The following VPS53 variants were observed in gnomAD, a reference collection of about 807,000 sequenced individuals.
VPS53 encodes VPS53 subunit of GARP complex, also known as vacuolar protein sorting-associated protein 53 homolog.
VPS53 carries 70 observed loss-of-function variants against 107.0 expected under a neutral mutation model. That is an observed-to-expected ratio of 0.65 (90% CI 0.54 to 0.80). VPS53 has a LOEUF of 0.80. VPS53 is among the 30% of genes least tolerant of loss of function. The pLI, the probability that VPS53 is intolerant of heterozygous loss-of-function variation, is 0.00. For synonymous variants in VPS53, 409 were observed against 393.3 expected (o/e 1.04, Z -0.47); for missense variants, 917 against 1,049.4 (o/e 0.87, Z 1.74).
chr17:618,258 C>A (rs922784676), intron 11 of VPS53, among the ~76,000 whole-genome samples: 1 of 84,016 alleles, frequency 1.2e-5, no homozygotes, highest in East Asian at 3.1e-4. Flanking sequence ...TGCACCACCA[C>A]GCCTGCTAAT....
intron 11 of VPS53, among the ~76,000 whole-genome samples, chr17:618,875 G>A (rs1197338781): frequency 1.3e-5 from 2 of 149,236 alleles, no homozygotes; most frequent in African/African-American, 5.0e-5. Flanking sequence ...CGGGTAGCTG[G>A]GACTACAGGC....
At chr17:657,576 T>C in intron 5 of VPS53, 1 of 904,448 alleles carries the variant, frequency 1.1e-6, no homozygotes, top group Non-Finnish European at 1.8e-6. Flanking sequence ...AAAGAGGACC[T>C]TTGTCTTCCG....
intron 13 of VPS53, among the ~76,000 whole-genome samples, chr17:584,284 G>A (rs558901644): frequency 3.3e-5 from 5 of 152,262 alleles, no homozygotes; most frequent in East Asian, 1.9e-4. Context: ...GCCTTCCAAC[G>A]TGGAAGGGCT....
At chr17:637,607 T>C (rs1214849155) in intron 7 of VPS53, among the ~76,000 whole-genome samples, 1 of 152,238 alleles carries the variant, frequency 6.6e-6, no homozygotes, top group Non-Finnish European at 1.5e-5. Flanking sequence ...CCAGAGATTC[T>C]GGTATGTTGT....
chr17:690,065 C>A (rs536732452), intron 4 of VPS53, among the ~76,000 whole-genome samples: 1 of 152,136 alleles, frequency 6.6e-6, no homozygotes. Context: ...AAGCCTCTGA[C>A]GGCACGTCAC....
At chr17:659,946 C>T (rs1332461962) in intron 5 of VPS53, among the ~76,000 whole-genome samples, 1 of 152,166 alleles carries the variant, frequency 6.6e-6, no homozygotes, top group Non-Finnish European at 1.5e-5. Context: ...ACAAAGCCAT[C>T]AATGGCAGGG....
chr17:631,913 T>C (rs1010483818), intron 7 of VPS53, among the ~76,000 whole-genome samples: 6 of 152,038 alleles, frequency 3.9e-5, no homozygotes, highest in African/African-American at 1.4e-4. Context: ...CACTGGGGGA[T>C]AGTCATGCTG....
intron 19 of VPS53, among the ~76,000 whole-genome samples, chr17:526,092 A>AT (rs1364144042): frequency 1.4e-5 from 2 of 147,620 alleles, no homozygotes; most frequent in African/African-American, 5.0e-5. Context: ...TTTTTACATT[A>AT]TTTTCTGTAC....
intron 5 of VPS53, among the ~76,000 whole-genome samples, chr17:659,522 C>T (rs1028357952): frequency 5.3e-5 from 8 of 152,214 alleles, no homozygotes; most frequent in African/African-American, 1.9e-4. Context: ...CTCAAGTGAT[C>T]CCCCCTCCTT....
intron 11 of VPS53, among the ~76,000 whole-genome samples, chr17:615,592 C>T (rs543483308): frequency 1.3e-5 from 2 of 152,134 alleles, no homozygotes; most frequent in Non-Finnish European, 2.9e-5. Flanking sequence ...TGACATCTTA[C>T]CTGTTTTGTG....
At chr17:708,291 G>T (rs1045140793) in intron 2 of VPS53, among the ~76,000 whole-genome samples, 1 of 152,198 alleles carries the variant, frequency 6.6e-6, no homozygotes, top group African/African-American at 2.4e-5. Flanking sequence ...GATTGACAAG[G>T]TCAAGCAAGT....
intron 15 of VPS53, among the ~76,000 whole-genome samples, chr17:555,766 T>A (rs1170231553): frequency 6.6e-6 from 1 of 152,242 alleles, no homozygotes; most frequent in African/African-American, 2.4e-5. Context: ...ATCATTATGA[T>A]GTAGTTTTCT....
chr17:525,924 G>A (rs899810493), intron 19 of VPS53, among the ~76,000 whole-genome samples: 2 of 150,016 alleles, frequency 1.3e-5, no homozygotes, highest in African/African-American at 4.9e-5. Context: ...TTGAACTCGG[G>A]AGGTGAAGGT....
intron 7 of VPS53, among the ~76,000 whole-genome samples, chr17:632,068 G>A (rs1357750236): frequency 6.6e-6 from 1 of 152,158 alleles, no homozygotes; most frequent in African/African-American, 2.4e-5. Flanking sequence ...GGCAACATTA[G>A]AGAGATCCAG....
At chr17:657,029 C>A in intron 5 of VPS53, 1 of 855,226 alleles carries the variant, frequency 1.2e-6, no homozygotes, top group East Asian at 2.4e-5. Flanking sequence ...CAGGTGAGCA[C>A]CTCCAGTCAC....
intron 17 of VPS53, 77 bp downstream of exon 17, chr17:551,795 G>A: frequency 1.6e-6 from 2 of 1,288,604 alleles, no homozygotes; most frequent in Non-Finnish European, 2.1e-6. Flanking sequence ...GCCTGGAGAA[G>A]CTACAGACAA....
chr17:579,406 G>T, intron 13 of VPS53, among the ~76,000 whole-genome samples: 1 of 149,582 alleles, frequency 6.7e-6, no homozygotes, highest in African/African-American at 2.5e-5. Flanking sequence ...CATTACCGGA[G>T]AACCACCCTC....
intron 4 of VPS53, among the ~76,000 whole-genome samples, chr17:666,495 C>G (rs1971693873): frequency 6.6e-6 from 1 of 152,156 alleles, no homozygotes; most frequent in African/African-American, 2.4e-5. Flanking sequence ...GAAACCCTGT[C>G]TCTACTCAAA....
At chr17:672,285 C>T (rs566453862) in intron 4 of VPS53, among the ~76,000 whole-genome samples, 1 of 151,944 alleles carries the variant, frequency 6.6e-6, no homozygotes, top group Non-Finnish European at 1.5e-5. Flanking sequence ...GGCGGTCACA[C>T]TTGTTGAACT....
Sources: allele counts gnomAD v4.1 joint callset (sites outside exome capture counted in the v4.1 genomes callset), GRCh38; gene constraint gnomAD v4.1.1; transcripts MANE v1.5; gene names NCBI Gene and HGNC (gene_info 2026-07-23, HGNC 2026-07-21).